The following TF variants were observed in gnomAD, a reference collection of about 807,000 sequenced individuals.
TF encodes the protein serotransferrin.
Under a neutral mutation model 82.4 loss-of-function variants are expected in TF, and 55 were observed. The ratio of observed to expected loss-of-function variants is 0.67; its 90% CI spans 0.54 to 0.84. TF has a LOEUF of 0.84. TF is among the 40% of genes least tolerant of loss of function. TF has a pLI of 0.00. For missense variants in TF, 737 were observed against 868.4 expected (o/e 0.85, Z 1.90); for synonymous variants, 332 against 332.6 (o/e 1.00, Z 0.02).
rs1175062200 is a variant in TF, at chr3:133,770,582, C to A, written c.1687+10C>A. 1 of 1,613,994 alleles carries A rather than the reference C, an allele frequency of 6.2e-7. No homozygotes were observed. Among genetic ancestry groups the A allele is most frequent in the East Asian group, 2.2e-5 (1 of 44,882 alleles). ...CCACAGAACACTGGGGGTAAGTGCA[C>A]CTGCTCCTCTGTCCCCCTAGATCAC... is the stretch of plus-strand genomic sequence containing the variant. On this transcript the variant is annotated intron_variant, in intron 14 of 16. Transcript: ENST00000402696.
At chr3:133,726,746 T>C in the TF span, among the ~76,000 whole-genome samples, 1 of 152,216 alleles carries the variant, frequency 6.6e-6, no homozygotes, top group Admixed American at 6.5e-5. Context: ...TTAATTGTGA[T>C]GTTAGGGTGT....
Position 133,786,235 on chromosome 3 carries a change from A to AAC in TF, c.*7616_*7617insCA, listed in dbSNP as rs1934681349. On this transcript the variant is annotated 3_prime_UTR_variant, in exon 17 of 17. Transcript: ENST00000402696. ...AAAAAAATAAATTAAAAAAAAAAAAAAAAAACAATACTATTTTTTGAACTA... is the reference window on the plus strand; with the variant it reads ...AAAAAAATAAATTAAAAAAAAAAAAAACAAAAACAATACTATTTTTTGAACTA... The AAC allele has an allele frequency of 1.3e-5, 2 of 151,084 alleles. 1 individual carries two copies. The highest frequency in any genetic ancestry group is 1.3e-4 in the Admixed American group (2 of 15,166). 9.4% of individuals were successfully genotyped at this position (151,084 alleles called of 1,614,324 possible). A position where few individuals can be genotyped will look rare whatever the true frequency, so the allele number is the denominator to read the frequency against.
the TF span, among the ~76,000 whole-genome samples, chr3:133,670,220 C>G: frequency 1.4e-4 from 21 of 152,338 alleles, no homozygotes; most frequent in African/African-American, 5.1e-4. Context: ...CACTGTCTCT[C>G]TGTACAAAAA....
the TF span, among the ~76,000 whole-genome samples, chr3:133,708,471 C>T: frequency 1.3e-5 from 2 of 152,030 alleles, no homozygotes; most frequent in Non-Finnish European, 2.9e-5. Flanking sequence ...ATAATGGTAG[C>T]TATTGGGAGG....
chr3:133,698,515 C>T, the TF span, among the ~76,000 whole-genome samples: 1 of 152,200 alleles, frequency 6.6e-6, no homozygotes, highest in Non-Finnish European at 1.5e-5. Flanking sequence ...AGGCCACTGT[C>T]CTCGCTTCTG....
chr3:133,672,919 C>T, the TF span, among the ~76,000 whole-genome samples: 4 of 152,074 alleles, frequency 2.6e-5, no homozygotes, highest in Non-Finnish European at 5.9e-5. Flanking sequence ...TGACAAAATG[C>T]AATACCCATT....
chr3:133,776,910 G>T, intron 15 of TF, 139 bp from the exon 16 acceptor site: 1 of 750,896 alleles, frequency 1.3e-6, no homozygotes. Flanking sequence ...AGATAAAGGA[G>T]GTGGAAAATT....
chr3:133,732,926 A>G, the TF span, among the ~76,000 whole-genome samples: 3 of 152,178 alleles, frequency 2.0e-5, no homozygotes, highest in East Asian at 3.8e-4. Context: ...ATAGAAGTGA[A>G]CGACCAAGCC....
At chr3:133,704,903 A>G in the TF span, among the ~76,000 whole-genome samples, 1 of 152,182 alleles carries the variant, frequency 6.6e-6, no homozygotes, top group Non-Finnish European at 1.5e-5. Context: ...CTGCTACATT[A>G]TCTTTCAAAA....
chr3:133,721,622 G>A, the TF span, among the ~76,000 whole-genome samples: 1 of 152,138 alleles, frequency 6.6e-6, no homozygotes, highest in Non-Finnish European at 1.5e-5. Flanking sequence ...TGCAGTTAAA[G>A]TCTTTTTTCT....
Position 133,792,865 on chromosome 3 carries a change from C to T in TF, c.*14245C>T, listed in dbSNP as rs569459496. On this transcript the variant is annotated 3_prime_UTR_variant, in exon 17 of 17. Coordinates refer to ENST00000402696, the MANE Select transcript of TF (RefSeq NM_001063.4). ...TTGACTAAATTTAAAGGGGTATTTTCTGGTTTTTCCATAAATTGAACATCA... is the reference window on the plus strand; with the variant it reads ...TTGACTAAATTTAAAGGGGTATTTTTTGGTTTTTCCATAAATTGAACATCA... The T allele has an allele frequency of 6.6e-6, 1 of 152,126 alleles. No individual in the cohort carries two copies. Among genetic ancestry groups the T allele is most frequent in the East Asian group, 1.9e-4 (1 of 5,178 alleles). The allele number at this position is 152,126 out of a possible 1,614,324, so 9.4% of individuals were successfully genotyped here.
chr3:133,666,151 A>G, the TF span, among the ~76,000 whole-genome samples: 1 of 152,146 alleles, frequency 6.6e-6, no homozygotes, highest in East Asian at 1.9e-4. Context: ...ATAAATACGT[A>G]TAAATAAATG....
intron 14 of TF, chr3:133,774,835 G>A (rs1934344742): frequency 4.2e-6 from 1 of 235,428 alleles, no homozygotes; most frequent in Non-Finnish European, 8.7e-6. Context: ...TCAGGAGGAA[G>A]GAGCTGAAAC....
chr3:133,770,457 A>G (rs1934232235), intron 13 of TF, 51 bp from the exon 14 acceptor site: 1 of 1,568,084 alleles, frequency 6.4e-7, no homozygotes, highest in African/African-American at 1.4e-5. Flanking sequence ...AATGACAGAT[A>G]AGTCACTCTG....
chr3:133,746,568 C>A (rs897571703), intron 1 of TF, 85 bp downstream of exon 1: 2 of 1,444,786 alleles, frequency 1.4e-6, no homozygotes, highest in Non-Finnish European at 1.9e-6. Flanking sequence ...AGCCTGCATG[C>A]ACTCCGCGCT....
the TF span, among the ~76,000 whole-genome samples, chr3:133,728,411 C>T: frequency 6.6e-6 from 1 of 152,014 alleles, no homozygotes; most frequent in Non-Finnish European, 1.5e-5. Context: ...ATTTCATCTT[C>T]CATCACTGAT....
rs771560730 is a variant in TF at position 133,759,359 on chromosome 3, G to A, written c.1203+30G>A. 16 of 1,611,648 alleles carry A rather than the reference G, an allele frequency of 9.9e-6. No homozygotes were observed. The African/African-American group carries it at 1.1e-4, about 11-fold the overall frequency. ...GTCACTCCAGCCTTCCTAGGGCAGC[G>A]TCCCTGTCATTGCTGCCTGCTGGCC... On this transcript the variant is annotated intron_variant, in intron 9 of 16. Transcript: ENST00000402696.
At chr3:133,750,874 T>G (rs2107909878) in intron 2 of TF, among the ~76,000 whole-genome samples, 1 of 152,366 alleles carries the variant, frequency 6.6e-6, no homozygotes, top group African/African-American at 2.4e-5. Context: ...GTTGGTGTGC[T>G]GCACCCTGTT....
chr3:133,732,647 A>G, the TF span, among the ~76,000 whole-genome samples: 1 of 152,204 alleles, frequency 6.6e-6, no homozygotes, highest in Non-Finnish European at 1.5e-5. Context: ...CTGCAGCTTC[A>G]TTTCTGAAGT....
Sources: allele counts gnomAD v4.1 joint callset (sites outside exome capture counted in the v4.1 genomes callset), GRCh38; gene constraint gnomAD v4.1.1; transcripts MANE v1.5; gene names NCBI Gene and HGNC (gene_info 2026-07-23, HGNC 2026-07-21).